NSUN2: variants seen among roughly 807,000 people sequenced by gnomAD.
NSUN2 encodes NOP2/Sun RNA methyltransferase 2.
In NSUN2, 63 loss-of-function variants were observed where a neutral mutation model predicts 92.7. The ratio of observed to expected loss-of-function variants is 0.68; its 90% CI spans 0.56 to 0.84. NSUN2 has a LOEUF of 0.84. NSUN2 is among the 40% of genes least tolerant of loss of function. The pLI, the probability that NSUN2 is intolerant of heterozygous loss-of-function variation, is 0.00. For missense variants in NSUN2, 989 were observed against 964.9 expected, an observed-to-expected ratio of 1.02 and a Z score of -0.33; for synonymous variants, 356 against 348.3, an observed-to-expected ratio of 1.02 and a Z score of -0.25.
intron 12 of NSUN2, among the ~76,000 whole-genome samples, chr5:6,607,716 GA>G (rs771441912): frequency 2.0e-5 from 3 of 152,196 alleles, no homozygotes; most frequent in Non-Finnish European, 4.4e-5. Context: ...AAGGCACACT[GA>G]AGGACACAAA....
chr5:6,615,279 G>A (rs1260453454), intron 9 of NSUN2, among the ~76,000 whole-genome samples: 1 of 152,180 alleles, frequency 6.6e-6, no homozygotes, highest in Admixed American at 6.5e-5. Flanking sequence ...TCTGAAAGCA[G>A]ACTGTGGCAA....
intron 18 of NSUN2, among the ~76,000 whole-genome samples, chr5:6,601,687 G>A (rs73050448): frequency 1.6e-3 from 249 of 152,242 alleles, no homozygotes; most frequent in African/African-American, 5.8e-3. Context: ...GTTCCTTCAA[G>A]TTAGCACTGG....
At chr5:6,629,705 T>G (rs1737795088) in intron 3 of NSUN2, among the ~76,000 whole-genome samples, 1 of 152,242 alleles carries the variant, frequency 6.6e-6, no homozygotes, top group Non-Finnish European at 1.5e-5. Flanking sequence ...TCACCTTGAA[T>G]TGTAATATTC....
intron 10 of NSUN2, among the ~76,000 whole-genome samples, 183 bp from the exon 11 acceptor site, chr5:6,611,268 T>C (rs547413646): frequency 4.5e-4 from 68 of 152,238 alleles, no homozygotes; most frequent in African/African-American, 1.6e-3. Flanking sequence ...AAATTATTAA[T>C]ACATAAATTC....
intron 14 of NSUN2, 62 bp downstream of exon 14, chr5:6,606,758 G>T: frequency 1.1e-6 from 1 of 902,310 alleles, no homozygotes; most frequent in Non-Finnish European, 1.8e-6. Flanking sequence ...GTGATCAGTT[G>T]TACATTTGAT....
chr5:6,631,712 G>T (rs1021737276), intron 3 of NSUN2, among the ~76,000 whole-genome samples, 161 bp downstream of exon 3: 2 of 152,246 alleles, frequency 1.3e-5, no homozygotes, highest in African/African-American at 4.8e-5. Flanking sequence ...AACTTGCGTA[G>T]CAATATAATG....
chr5:6,631,942 T>C lies in NSUN2; in HGVS notation c.290A>G (p.Lys97Arg), dbSNP rs752692628. The C allele has an allele frequency of 4.3e-5, 70 of 1,613,926 alleles. No individual in the cohort carries two copies. In the East Asian group the frequency reaches 1.4e-3, roughly 32 times the overall value. The part of the protein sequence containing the change: ...AKEILHCLKN[K>R]YFKELEDLEV... ...CAGGTCCTCCAATTCCTTAAAATAT[T>C]TGTTCTTTAAGCAATGGAGAATCTC... Residue 97 changes from lysine to arginine, a missense_variant, in exon 3 of 19, where the codon AAA becomes AGA. Transcript: ENST00000264670.
At chr5:6,610,236 G>A (rs1451725399) in intron 11 of NSUN2, among the ~76,000 whole-genome samples, 1 of 151,182 alleles carries the variant, frequency 6.6e-6, no homozygotes, top group Non-Finnish European at 1.5e-5. Context: ...GCCAGTTTTT[G>A]TATTTTTCTT....
intron 4 of NSUN2, 34 bp from the exon 5 acceptor site, chr5:6,623,319 G>GAAA (rs35232789): frequency 6.1e-3 from 7,471 of 1,223,742 alleles, no homozygotes; most frequent in South Asian, 8.8e-3. Context: ...CAACAATTAG[G>GAAA]AAAAAAAAAA....
intron 16 of NSUN2, 37 bp from the exon 17 acceptor site, chr5:6,604,313 G>T: frequency 6.4e-7 from 1 of 1,560,992 alleles, no homozygotes; most frequent in South Asian, 1.2e-5. Context: ...CAGATACCAT[G>T]ATGTCATTCA....
At chr5:6,616,065 C>T (rs1035579956) in intron 9 of NSUN2, among the ~76,000 whole-genome samples, 9 of 152,096 alleles carry the variant, frequency 5.9e-5, no homozygotes, top group Non-Finnish European at 1.2e-4. Context: ...AATGACGCAG[C>T]CACTGTGAAA....
chr5:6,631,827 T>C lies in NSUN2; in HGVS notation c.359+46A>G, dbSNP rs765522003. ...AGAAATATAATTCAAGTGATAGAGATTAATATCCCAAATAAATATTCGGCA... is the reference window on the plus strand; with the variant it reads ...AGAAATATAATTCAAGTGATAGAGACTAATATCCCAAATAAATATTCGGCA... On this transcript the variant is annotated intron_variant, in intron 3 of 18. Transcript: ENST00000264670. The C allele has an allele frequency of 3.8e-6, 5 of 1,328,924 alleles. No homozygotes were observed. In the South Asian group the frequency reaches 6.1e-5, roughly 16 times the overall value. The allele number at this position is 1,328,924 out of a possible 1,614,324, so 82.3% of individuals were successfully genotyped here.
In NSUN2 at chr5:6,604,146, T is replaced by G. The variant is rs1246025539; in HGVS notation, c.1949A>C (p.Lys650Thr). 3 of 1,613,248 alleles carry G rather than the reference T, an allele frequency of 1.9e-6. No individual in the cohort carries two copies. Among genetic ancestry groups the G allele is most frequent in the Non-Finnish European group, 2.5e-6 (3 of 1,179,732 alleles). The change falls in exon 17 of 19, where the codon AAG becomes ACG. Residue 650 changes from lysine to threonine, a missense_variant. By Grantham distance (78) the Lys-to-Thr change is moderately conservative. Transcript: ENST00000264670. The stretch of plus-strand genomic sequence containing the variant: ...CATTTCCAACTACTCACCCAGGTCC[T>G]TTGCTTGACTGTAGGTCTCACTGCT... Reference protein sequence around the residue: ...KLSSETYSQAKDLAKGSIVLK... With the variant: ...KLSSETYSQATDLAKGSIVLK...
At chr5:6,600,930 T>C (rs1736527399) in intron 18 of NSUN2, among the ~76,000 whole-genome samples, 1 of 152,104 alleles carries the variant, frequency 6.6e-6, no homozygotes, top group Non-Finnish European at 1.5e-5. Flanking sequence ...AGGCTCCACC[T>C]GTCCAGCCAG....
In NSUN2 at chr5:6,632,878, T is replaced by C; in HGVS notation, c.96+6A>G. On this transcript the variant is annotated splice_donor_region_variant and intron_variant, in intron 1 of 18. Coordinates refer to ENST00000264670, the MANE Select transcript of NSUN2 (RefSeq NM_017755.6). ...CCTGGCCCGCCCGCCGGGTCCCGGC[T>C]CCTACCGCCTCGCCGCGCTTTCCAC... 6.5e-7 allele frequency: 1 copy of C among 1,533,386 alleles called. No homozygotes were observed. Among genetic ancestry groups the C allele is most frequent in the South Asian group, 1.2e-5 (1 of 84,034 alleles). 95.0% of individuals were successfully genotyped at this position (1,533,386 alleles called of 1,614,324 possible).
At chr5:6,612,905 A>G (rs1049980695) in intron 9 of NSUN2, among the ~76,000 whole-genome samples, 2 of 152,218 alleles carry the variant, frequency 1.3e-5, no homozygotes, top group Non-Finnish European at 2.9e-5. Context: ...AAAGTTGTTG[A>G]GCACTTTCAG....
In NSUN2 at chr5:6,609,851, A is replaced by G. The variant is rs757836668; in HGVS notation, c.1298T>C (p.Met433Thr). The G allele has an allele frequency of 1.2e-5, 20 of 1,613,730 alleles. No homozygotes were observed. Among genetic ancestry groups the G allele is most frequent in the South Asian group, 1.1e-4 (10 of 91,012 alleles). The stretch of plus-strand genomic sequence containing the variant: ...CTTTGGCTGACGTTTATTCCACGGC[A>G]TTGAAGATTTTTTCACCAATACTGC... ...FVAVLVKKSS[M>T]PWNKRQPKLQ... Residue 433 changes from methionine to threonine, a missense_variant, in exon 12 of 19, where the codon ATG becomes ACG. Coordinates refer to ENST00000264670, the MANE Select transcript of NSUN2 (RefSeq NM_017755.6).
chr5:6,617,533 T>C (rs1351074961), intron 8 of NSUN2, among the ~76,000 whole-genome samples: 2 of 152,236 alleles, frequency 1.3e-5, no homozygotes, highest in Non-Finnish European at 2.9e-5. Flanking sequence ...ATTTTCCAAT[T>C]GTTCTTTAAT....
At chr5:6,632,254 T>A (rs545855194) in intron 2 of NSUN2, among the ~76,000 whole-genome samples, 1 of 151,918 alleles carries the variant, frequency 6.6e-6, no homozygotes, top group Non-Finnish European at 1.5e-5. Flanking sequence ...ACTACAAAGA[T>A]GGAGGGGGGG....
Sources: allele counts gnomAD v4.1 joint callset (sites outside exome capture counted in the v4.1 genomes callset), GRCh38; gene constraint gnomAD v4.1.1; transcripts MANE v1.5; gene names NCBI Gene and HGNC (gene_info 2026-07-23, HGNC 2026-07-21).